Variants in MSI2 observed in about 807,000 individuals in gnomAD.
The protein encoded by MSI2 is RNA-binding protein Musashi homolog 2.
A neutral mutation model predicts 45.6 loss-of-function variants in MSI2; 17 were observed. The observed-to-expected ratio is 0.37, with a 90% CI of 0.26 to 0.56. The LOEUF (loss-of-function observed/expected upper bound fraction) is 0.56. Among genes scored for constraint, MSI2 ranks in the 20% least tolerant of loss-of-function variants. The pLI, the probability that MSI2 is intolerant of heterozygous loss-of-function variation, is 0.77. For synonymous variants in MSI2, 156 were observed against 158.2 expected (o/e 0.99, Z 0.11); for missense variants, 293 against 444.2 (o/e 0.66, Z 3.06).
intron 5 of MSI2, among the ~76,000 whole-genome samples, chr17:57,317,899 G>A (rs554959364): frequency 1.9e-4 from 29 of 152,178 alleles, no homozygotes; most frequent in South Asian, 1.0e-3. Context: ...CTGTAATCCC[G>A]GCACTTTGGG....
At chr17:57,465,701 T>A (rs1200354530) in intron 6 of MSI2, among the ~76,000 whole-genome samples, 1 of 152,158 alleles carries the variant, frequency 6.6e-6, no homozygotes, top group Non-Finnish European at 1.5e-5. Flanking sequence ...TAATGTTCTG[T>A]GCTCTTAGCC....
At chr17:57,291,878 A>G (rs548860203) in intron 5 of MSI2, among the ~76,000 whole-genome samples, 1 of 152,218 alleles carries the variant, frequency 6.6e-6, no homozygotes, top group African/African-American at 2.4e-5. Context: ...GCCCGATCTC[A>G]TCTGAAGACC....
At chr17:57,341,478 G>C (rs1915154352) in intron 5 of MSI2, among the ~76,000 whole-genome samples, 1 of 152,196 alleles carries the variant, frequency 6.6e-6, no homozygotes, top group Non-Finnish European at 1.5e-5. Flanking sequence ...GCCTGGCTGG[G>C]GACCCTGTAC....
chr17:57,502,949 T>A (rs1194767851), intron 6 of MSI2, among the ~76,000 whole-genome samples: 2 of 152,174 alleles, frequency 1.3e-5, no homozygotes, highest in East Asian at 1.9e-4. Context: ...ATTGCTTTGT[T>A]TGTTCTGTAT....
chr17:57,468,497 G>A (rs2085371620), intron 6 of MSI2, among the ~76,000 whole-genome samples: 2 of 147,134 alleles, frequency 1.4e-5, no homozygotes, highest in African/African-American at 5.1e-5. Flanking sequence ...CTCCAGCCTG[G>A]GCAACAGAGC....
intron 5 of MSI2, among the ~76,000 whole-genome samples, chr17:57,345,499 G>A (rs1757539689): frequency 6.6e-6 from 1 of 152,056 alleles, no homozygotes; most frequent in South Asian, 2.1e-4. Context: ...AGGTAGTGTA[G>A]CATATACTCT....
chr17:57,297,137 T>C (rs1291060476), intron 5 of MSI2, among the ~76,000 whole-genome samples: 1 of 151,854 alleles, frequency 6.6e-6, no homozygotes, highest in East Asian at 1.9e-4. Flanking sequence ...CCTCCCAAAG[T>C]GCTAGGATTA....
chr17:57,514,449 T>G (rs1228204483), intron 6 of MSI2, among the ~76,000 whole-genome samples: 4 of 152,162 alleles, frequency 2.6e-5, no homozygotes, highest in African/African-American at 7.2e-5. Context: ...CAATTTGAAT[T>G]GCCAAAATAT....
At position 57,352,470 on chromosome 17, in the gene MSI2, T is replaced by C. The variant is rs574766634; in HGVS notation, c.313-48909T>C. 1.7e-4 allele frequency among the ~76,000 whole-genome samples: 26 copies of C among 152,340 alleles called. No homozygotes were observed. In the East Asian group the frequency reaches 4.8e-3, roughly 28 times the overall value. The stretch of plus-strand genomic sequence containing the variant: ...TGGCGGAAAAGAGAAGGGAAGCAGA[T>C]GAAGAGGAGCTCCCAGGTGAAGGAG... On this transcript the variant is annotated intron_variant, in intron 5 of 13. Coordinates refer to ENST00000284073, the MANE Select transcript of MSI2 (RefSeq NM_138962.4).
At chr17:57,489,719 A>G (rs1467324489) in intron 6 of MSI2, among the ~76,000 whole-genome samples, 2 of 152,180 alleles carry the variant, frequency 1.3e-5, no homozygotes, top group Non-Finnish European at 1.5e-5. Context: ...CAGTAGCAGC[A>G]TCCATATTAG....
intron 6 of MSI2, among the ~76,000 whole-genome samples, chr17:57,405,155 G>C (rs950383609): frequency 2.6e-5 from 4 of 152,130 alleles, no homozygotes; most frequent in African/African-American, 9.7e-5. Flanking sequence ...CAGCCTGATG[G>C]GTTGTTCCTT....
intron 9 of MSI2, among the ~76,000 whole-genome samples, chr17:57,623,852 A>T (rs2144592910): frequency 6.6e-6 from 1 of 152,330 alleles, no homozygotes; most frequent in South Asian, 2.1e-4. Context: ...CACAGCAGTA[A>T]ATGAAGAGGA....
At chr17:57,510,408 T>TTG (rs1555616068) in intron 6 of MSI2, among the ~76,000 whole-genome samples, 1 of 151,656 alleles carries the variant, frequency 6.6e-6, no homozygotes, top group Admixed American at 6.6e-5. Flanking sequence ...TTGTTTTTTT[T>TTG]TTTGTTTGTT....
At chr17:57,338,386 G>A (rs1046969946) in intron 5 of MSI2, among the ~76,000 whole-genome samples, 2 of 152,142 alleles carry the variant, frequency 1.3e-5, no homozygotes, top group African/African-American at 2.4e-5. Flanking sequence ...CACTGCACTG[G>A]CCTGTTTTAT....
At chr17:57,672,824 G>A (rs111960739) in intron 11 of MSI2, among the ~76,000 whole-genome samples, 2 of 152,160 alleles carry the variant, frequency 1.3e-5, no homozygotes, top group South Asian at 2.1e-4. Context: ...AGATAATACC[G>A]CCTTTTGAAT....
chr17:57,667,955 T>A (rs1837438345), intron 11 of MSI2, among the ~76,000 whole-genome samples: 1 of 152,058 alleles, frequency 6.6e-6, no homozygotes, highest in African/African-American at 2.4e-5. Flanking sequence ...TCCCAGCACT[T>A]TGGGAGGCTG....
chr17:57,499,487 G>A (rs1053446743), intron 6 of MSI2, among the ~76,000 whole-genome samples: 11 of 151,824 alleles, frequency 7.2e-5, no homozygotes, highest in Non-Finnish European at 1.6e-4. Context: ...ACTTGAAAAG[G>A]AAATAATCAT....
chr17:57,599,668 G>A (rs902108849), intron 8 of MSI2, among the ~76,000 whole-genome samples: 6 of 152,304 alleles, frequency 3.9e-5, no homozygotes, highest in African/African-American at 1.2e-4. Context: ...AGGAAGAAGT[G>A]GGGGCAGATT....
At chr17:57,285,844 T>C (rs1402893102) in intron 5 of MSI2, 2 of 1,479,148 alleles carry the variant, frequency 1.4e-6, no homozygotes, top group African/African-American at 2.8e-5. Flanking sequence ...TACCACTCAC[T>C]TTCTGTTGTG....
Sources: allele counts gnomAD v4.1 joint callset (sites outside exome capture counted in the v4.1 genomes callset), GRCh38; gene constraint gnomAD v4.1.1; transcripts MANE v1.5; gene names NCBI Gene and HGNC (gene_info 2026-07-23, HGNC 2026-07-21).